Variants in CDKL2 observed in about 807,000 individuals in gnomAD.
CDKL2 encodes the protein cyclin-dependent kinase-like 2.
A neutral mutation model predicts 63.9 loss-of-function variants in CDKL2; 64 were observed. The ratio of observed to expected loss-of-function variants is 1.00; its 90% CI spans 0.82 to 1.23. The LOEUF is 1.23. CDKL2 is among the 50% of genes most tolerant of loss of function. The pLI, the probability that CDKL2 is intolerant of heterozygous loss-of-function variation, is 0.00. For missense variants in CDKL2, 656 were observed against 668.0 expected, an observed-to-expected ratio of 0.98 and a Z score of 0.20; for synonymous variants, 211 against 229.2, an observed-to-expected ratio of 0.92 and a Z score of 0.72.
intron 12 of CDKL2, among the ~76,000 whole-genome samples, chr4:75,585,375 T>G (rs1578313711): frequency 6.6e-6 from 1 of 152,004 alleles, no homozygotes; most frequent in East Asian, 1.9e-4. Flanking sequence ...GTCAGGAGTT[T>G]GAGCAACACA....
At position 75,597,103 on chromosome 4, in the gene CDKL2, T is replaced by A; in HGVS notation, c.1154A>T (p.His385Leu). 6.2e-7 allele frequency: 1 copy of A among 1,614,222 alleles called. No homozygotes were observed. ...GCTTGTTGAAGGCACTATTTTGTTGTGGCTTGTCCTACTGTCATGGAGACA... is the reference window on the plus strand; with the variant it reads ...GCTTGTTGAAGGCACTATTTTGTTGAGGCTTGTCCTACTGTCATGGAGACA... ...ASCLHDSRTS[H>L]NKIVPSTSLK... The change falls in exon 9 of 14, where the codon CAC becomes CTC. Residue 385 changes from histidine (H) to leucine (L), a missense_variant. Coordinates refer to ENST00000307465, the MANE Select transcript of CDKL2 (RefSeq NM_001330724.2).
Position 75,614,297 on chromosome 4 carries a change from C to G in CDKL2, c.321G>C (p.Leu107Phe). ...GLDYQVVQKY[L>F]FQIINGIGFC... is the part of the protein sequence containing the mutation. Reference sequence around the variant, plus strand: ...ATCCAATTCCATTAATAATCTGAAACAAATACTTTTGAACTACTTGGTAGT... The same window carrying G: ...ATCCAATTCCATTAATAATCTGAAAGAAATACTTTTGAACTACTTGGTAGT... Residue 107 changes from leucine (L) to phenylalanine (F), a missense_variant, in exon 3 of 14, where the codon TTG (leucine) becomes TTC (phenylalanine). Coordinates refer to ENST00000307465, the MANE Select transcript of CDKL2 (RefSeq NM_001330724.2). The G allele has an allele frequency of 6.2e-7, 1 of 1,608,346 alleles. No homozygotes were observed. Among genetic ancestry groups the G allele is most frequent in the Non-Finnish European group, 8.5e-7 (1 of 1,178,276 alleles).
intron 2 of CDKL2, among the ~76,000 whole-genome samples, chr4:75,623,088 C>A (rs1730238393): frequency 1.3e-5 from 2 of 152,104 alleles, no homozygotes; most frequent in Admixed American, 1.3e-4. Flanking sequence ...CTAGCCTGGG[C>A]AACATGGAAA....
intron 13 of CDKL2, among the ~76,000 whole-genome samples, chr4:75,580,753 T>C (rs1303684180): frequency 1.4e-5 from 2 of 144,734 alleles, no homozygotes; most frequent in Non-Finnish European, 3.0e-5. Context: ...CAGGCTGGAG[T>C]GCAGTGGCGC....
chr4:75,607,067 T>A, intron 4 of CDKL2, 116 bp downstream of exon 4: 1 of 801,754 alleles, frequency 1.2e-6, no homozygotes, highest in East Asian at 2.5e-5. Flanking sequence ...ATATAGTCCC[T>A]GAAACTCAAG....
chr4:75,627,263 TTTTGTTTG>T (rs140943093), intron 1 of CDKL2, among the ~76,000 whole-genome samples: 60 of 150,356 alleles, frequency 4.0e-4, no homozygotes, highest in African/African-American at 1.2e-3. Flanking sequence ...TGGTGGGGGA[TTTTGTTTG>T]TTTGTTTGTT....
intron 10 of CDKL2, among the ~76,000 whole-genome samples, chr4:75,594,236 T>C (rs898571963): frequency 6.6e-6 from 1 of 152,036 alleles, no homozygotes; most frequent in African/African-American, 2.4e-5. Context: ...TCACCTGAGG[T>C]CAGGAGTTCG....
rs1051491998 is a variant in CDKL2, at chr4:75,581,771, A to G, written c.*23+39T>C. On this transcript the variant is annotated intron_variant, in intron 13 of 13. Transcript: ENST00000307465. ...AGCAAGCCACAAAATAGTACCTGTG[A>G]AAGGCTGCACAGCTTTAAGTATGGG... is the stretch of plus-strand genomic sequence containing the variant. The G allele has an allele frequency of 1.9e-5, 22 of 1,178,598 alleles. No homozygotes were observed. In the Admixed American group the frequency reaches 3.3e-4, roughly 18 times the overall value. The allele number at this position is 1,178,598 out of a possible 1,614,324, so 73.0% of individuals were successfully genotyped here. A position where few individuals can be genotyped will look rare whatever the true frequency, so the allele number is the denominator to read the frequency against.
In CDKL2 at chr4:75,578,164, T is replaced by A. The variant is rs1482603182; in HGVS notation, c.*1038A>T. 6.6e-6 allele frequency: 1 copy of A among 152,194 alleles called. No individual in the cohort carries two copies. Among genetic ancestry groups the A allele is most frequent in the Non-Finnish European group, 1.5e-5 (1 of 68,042 alleles). The allele number at this position is 152,194 out of a possible 1,614,324, so 9.4% of individuals were successfully genotyped here. On this transcript the variant is annotated 3_prime_UTR_variant, in exon 14 of 14. Transcript: ENST00000307465. ...CATGCATTGGAAAAGATGTGTGGAA[T>A]GCAGGTAAATGATTTTGCACCTTGG...
intron 4 of CDKL2, among the ~76,000 whole-genome samples, 185 bp from the exon 5 acceptor site, chr4:75,605,819 A>C (rs1729403185): frequency 6.6e-6 from 1 of 151,970 alleles, no homozygotes; most frequent in African/African-American, 2.4e-5. Flanking sequence ...AAAAAAAAAA[A>C]CCCATCTGAA....
chr4:75,591,867 A>C lies in CDKL2; in HGVS notation c.1599T>G (p.Pro533=). The C allele has an allele frequency of 2.0e-6, 3 of 1,536,072 alleles. No homozygotes were observed. The highest frequency in any genetic ancestry group is 2.6e-6 in the Non-Finnish European group (3 of 1,146,880). ...ESKILSESRI[P]SLAAIDLHTP... ...TGTGCAGGTCAATAGCAGCCAGAGA[A>C]GGAATTCGAGATTCTGAAAGAATTT... is the stretch of plus-strand genomic sequence containing the variant. The change falls in exon 12 of 14, where the codon CCT becomes CCG. Residue 533 remains proline (P), a synonymous_variant. Coordinates refer to ENST00000307465, the MANE Select transcript of CDKL2 (RefSeq NM_001330724.2).
In CDKL2 at chr4:75,592,062, T is replaced by A. The variant is rs555179400; in HGVS notation, c.1540+84A>T. ...CATACTTAAATATGTAAAGTTAGTA[T>A]GAATTTTTATTTTTAAATTCTGTCT... is the stretch of plus-strand genomic sequence containing the variant. On this transcript the variant is annotated intron_variant, in intron 11 of 13. Transcript: ENST00000307465. 18 of 1,375,636 alleles carry A rather than the reference T, an allele frequency of 1.3e-5. No individual in the cohort carries two copies. In the African/African-American group the frequency reaches 2.3e-4, roughly 18 times the overall value. 85.2% of individuals were successfully genotyped at this position (1,375,636 alleles called of 1,614,324 possible). A position where few individuals can be genotyped will look rare whatever the true frequency, so the allele number is the denominator to read the frequency against.
At position 75,602,364 on chromosome 4, in the gene CDKL2, G is replaced by C. The variant is rs569926136; in HGVS notation, c.795+1453C>G. On this transcript the variant is annotated intron_variant, in intron 6 of 13. Transcript: ENST00000307465. Reference sequence around the variant, plus strand: ...CCAGCTAATTTTTGTATTTTTAGTAGAGATGGGGTTTCACCATCTTGGCCA... The same window carrying C: ...CCAGCTAATTTTTGTATTTTTAGTACAGATGGGGTTTCACCATCTTGGCCA... Among the ~76,000 whole-genome samples the C allele has an allele frequency of 1.7e-4, 26 of 152,174 alleles. 1 individual carries two copies. In the South Asian group the frequency reaches 5.4e-3, roughly 32 times the overall value.
At chr4:75,622,332 G>A (rs1235515392) in intron 2 of CDKL2, among the ~76,000 whole-genome samples, 4 of 151,992 alleles carry the variant, frequency 2.6e-5, no homozygotes, top group Admixed American at 6.6e-5. Context: ...TACATCTAAC[G>A]ACACAGAAGG....
chr4:75,620,213 A>G (rs1730098821), intron 2 of CDKL2, among the ~76,000 whole-genome samples: 1 of 152,168 alleles, frequency 6.6e-6, no homozygotes, highest in African/African-American at 2.4e-5. Flanking sequence ...AATAATGATA[A>G]TAATAGTATT....
intron 12 of CDKL2, among the ~76,000 whole-genome samples, chr4:75,584,139 T>C (rs1208989103): frequency 2.0e-5 from 3 of 152,246 alleles, no homozygotes; most frequent in Admixed American, 6.5e-5. Flanking sequence ...TAAATGTTAC[T>C]AATTAGGATA....
chr4:75,604,093 C>A (rs979960249), intron 5 of CDKL2, 137 bp from the exon 6 acceptor site: 33 of 740,520 alleles, frequency 4.5e-5, no homozygotes, highest in Non-Finnish European at 6.6e-5. Flanking sequence ...CAAAATTGAC[C>A]AAAGACAATG....
At chr4:75,600,236 AACCCTAGG>A in intron 7 of CDKL2, 37 bp downstream of exon 7, 2 of 1,257,412 alleles carry the variant, frequency 1.6e-6, no homozygotes, top group Non-Finnish European at 2.3e-6. Context: ...GGAAGACTTT[AACCCTAGG>A]TTGGTATGGC....
Position 75,621,690 on chromosome 4 carries a change from C to T in CDKL2, c.168+4131G>A, listed in dbSNP as rs116698267. 7.4e-3 allele frequency among the ~76,000 whole-genome samples: 1,127 copies of T among 152,218 alleles called. 23 individuals carry two copies. Among genetic ancestry groups the T allele is most frequent in the African/African-American group, 0.026 (1,074 of 41,516 alleles). ...AGCAAAGACTATAGGCCCACGCTAT[C>T]GCACCGAGCTTGAAATAGTATTTTA... On this transcript the variant is annotated intron_variant, in intron 2 of 13. Coordinates refer to ENST00000307465, the MANE Select transcript of CDKL2 (RefSeq NM_001330724.2).
Sources: gnomAD v4.1 joint callset for allele counts (sites outside exome capture counted in the v4.1 genomes callset) on GRCh38, gnomAD v4.1.1 for gene constraint, MANE v1.5 for transcripts, NCBI Gene and HGNC (gene_info 2026-07-23, HGNC 2026-07-21) for gene names.